PPP1R1C: variants seen among roughly 807,000 people sequenced by gnomAD.
PPP1R1C encodes the protein protein phosphatase 1 regulatory inhibitor subunit 1C, also known as protein phosphatase 1 regulatory subunit 1C.
Under a neutral mutation model 17.4 loss-of-function variants are expected in PPP1R1C, and 15 were observed. The ratio of observed to expected loss-of-function variants is 0.86; its 90% CI spans 0.58 to 1.33. The LOEUF is 1.33. PPP1R1C is among the 40% of genes most tolerant of loss of function. The probability of loss-of-function intolerance (pLI) is 0.00; values close to 1 mark genes in which losing one functional copy is unlikely to be tolerated. For synonymous variants in PPP1R1C, 35 were observed against 43.1 expected (o/e 0.81, Z 0.73); for missense variants, 143 against 130.0 (o/e 1.10, Z -0.48).
Position 182,076,201 on chromosome 2 carries a change from T to C in PPP1R1C, c.241+12410T>C, listed in dbSNP as rs1046989666. On this transcript the variant is annotated intron_variant, in intron 4 of 4. Transcript: ENST00000682840. ...TTGAACTTTTTTTTTTCTTTTCTTT[T>C]TTTTTTTTTTTTTTTTTTTTTTTTT... 3.2e-4 allele frequency among the ~76,000 whole-genome samples: 11 copies of C among 34,612 alleles called. No individual in the cohort carries two copies. In the South Asian group the frequency reaches 4.1e-3, roughly 13 times the overall value. 22.7% of individuals were successfully genotyped at this position (34,612 alleles called of 152,430 possible). A position where few individuals can be genotyped will look rare whatever the true frequency, so the allele number is the denominator to read the frequency against.
At chr2:181,955,856 C>T (rs1003159398) in intron 1 of PPP1R1C, among the ~76,000 whole-genome samples, 1 of 152,122 alleles carries the variant, frequency 6.6e-6, no homozygotes, top group Non-Finnish European at 1.5e-5. Flanking sequence ...TTTGTCTATG[C>T]ATGTTTTAAT....
At chr2:182,073,489 C>G (rs889031693) in intron 4 of PPP1R1C, among the ~76,000 whole-genome samples, 1 of 152,212 alleles carries the variant, frequency 6.6e-6, no homozygotes, top group Non-Finnish European at 1.5e-5. Context: ...TCTTCCAGGT[C>G]ATTTATTAGG....
rs536785842 is a variant in PPP1R1C at position 182,124,366 on chromosome 2, T to G, written c.*7-4608T>G. 2.2e-5 allele frequency among the ~76,000 whole-genome samples: 3 copies of G among 135,962 alleles called. No homozygotes were observed. In the South Asian group the frequency reaches 7.1e-4, roughly 32 times the overall value. The allele number at this position is 135,962 out of a possible 152,430, so 89.2% of individuals were successfully genotyped here. A position where few individuals can be genotyped will look rare whatever the true frequency, so the allele number is the denominator to read the frequency against. On this transcript the variant is annotated intron_variant, in intron 5 of 5. Coordinates refer to the PPP1R1C transcript ENST00000280295. Reference sequence around the variant, plus strand: ...TTTTTTTTTTTTGCTTAGGATTGTCTTGGCTATACAGGCTCTTTTTTTGGT... The same window carrying G: ...TTTTTTTTTTTTGCTTAGGATTGTCGTGGCTATACAGGCTCTTTTTTTGGT...
chr2:181,981,750 A>G (rs1185783385), upstream of PPP1R1C, among the ~76,000 whole-genome samples: 5 of 152,240 alleles, frequency 3.3e-5, no homozygotes, highest in African/African-American at 1.2e-4. Flanking sequence ...GAGGAAATGA[A>G]TGAAGTTACA....
intron 2 of PPP1R1C, among the ~76,000 whole-genome samples, chr2:182,021,577 C>T (rs528623537): frequency 1.3e-4 from 20 of 152,110 alleles, no homozygotes; most frequent in Non-Finnish European, 2.2e-4. Context: ...CCTCCCACCT[C>T]GGCCTCCCAA....
chr2:182,069,852 G>A (rs1360530927), intron 4 of PPP1R1C, among the ~76,000 whole-genome samples: 1 of 152,160 alleles, frequency 6.6e-6, no homozygotes, highest in Non-Finnish European at 1.5e-5. Flanking sequence ...GCTGAATCAA[G>A]AATCAGTTTC....
At chr2:182,079,731 A>C (rs1450952377) in intron 4 of PPP1R1C, among the ~76,000 whole-genome samples, 1 of 152,220 alleles carries the variant, frequency 6.6e-6, no homozygotes, top group African/African-American at 2.4e-5. Context: ...CCAAGGTATC[A>C]GTAGGGCCAT....
At chr2:182,041,569 A>G (rs533095705) in intron 2 of PPP1R1C, among the ~76,000 whole-genome samples, 17 of 146,996 alleles carry the variant, frequency 1.2e-4, no homozygotes, top group Admixed American at 8.6e-4. Context: ...AGGTCATGCC[A>G]TTGACTCCAG....
intron 2 of PPP1R1C, among the ~76,000 whole-genome samples, chr2:181,980,153 A>G (rs761199369): frequency 2.2e-4 from 33 of 152,352 alleles, no homozygotes; most frequent in African/African-American, 7.5e-4. Context: ...GAGATACTCA[A>G]TAAATATTTG....
chr2:182,007,575 T>C (rs1685958411), intron 2 of PPP1R1C, among the ~76,000 whole-genome samples: 1 of 152,190 alleles, frequency 6.6e-6, no homozygotes, highest in Non-Finnish European at 1.5e-5. Flanking sequence ...AACTAGATAG[T>C]AGTGGATTTT....
intron 2 of PPP1R1C, among the ~76,000 whole-genome samples, chr2:181,980,089 A>C (rs1221074924): frequency 6.6e-6 from 1 of 152,100 alleles, no homozygotes; most frequent in Non-Finnish European, 1.5e-5. Context: ...TATGTTCTTT[A>C]GAGGTTGGGA....
chr2:182,096,529 C>A (rs541917981), intron 4 of PPP1R1C, among the ~76,000 whole-genome samples: 21 of 150,780 alleles, frequency 1.4e-4, no homozygotes, highest in African/African-American at 5.1e-4. Flanking sequence ...GTGGCTCCGA[C>A]TCCCGTGACC....
chr2:181,963,562 T>G (rs1684848196), intron 1 of PPP1R1C, among the ~76,000 whole-genome samples: 1 of 152,134 alleles, frequency 6.6e-6, no homozygotes, highest in East Asian at 1.9e-4. Context: ...TTGCTTCAAC[T>G]GGGACCCGGG....
At chr2:181,999,291 T>A (rs1685695667) in intron 2 of PPP1R1C, among the ~76,000 whole-genome samples, 1 of 152,206 alleles carries the variant, frequency 6.6e-6, no homozygotes. Flanking sequence ...CAGAAATGTA[T>A]CTTACTTTTG....
At chr2:181,969,233 CT>C (rs1184342296) in intron 1 of PPP1R1C, among the ~76,000 whole-genome samples, 1 of 152,044 alleles carries the variant, frequency 6.6e-6, no homozygotes, top group Non-Finnish European at 1.5e-5. Flanking sequence ...CTATTAATGT[CT>C]TTTAATTTTG....
intron 2 of PPP1R1C, among the ~76,000 whole-genome samples, chr2:182,012,721 T>C (rs1337070780): frequency 1.3e-5 from 2 of 152,114 alleles, no homozygotes; most frequent in South Asian, 2.1e-4. Flanking sequence ...GATTTTTCTC[T>C]GGTAGTATGC....
intron 5 of PPP1R1C, among the ~76,000 whole-genome samples, chr2:182,126,899 C>T (rs1689888503): frequency 6.6e-6 from 1 of 151,938 alleles, no homozygotes; most frequent in African/African-American, 2.4e-5. Flanking sequence ...GGGAAAAATT[C>T]TTGATGAAGT....
chr2:181,986,092 A>G lies in PPP1R1C; in HGVS notation c.-19A>G. On this transcript the variant is annotated 5_prime_UTR_variant, in exon 1 of 5. Transcript: ENST00000682840. ...TCTTTCTGAGCTCTTCACATCTCTG[A>G]CTAATTATCATCATTACCATGGAGC... The G allele has an allele frequency of 6.2e-7, 1 of 1,604,186 alleles. No individual in the cohort carries two copies. The highest frequency in any genetic ancestry group is 8.5e-7 in the Non-Finnish European group (1 of 1,170,930).
chr2:182,040,521 A>T (rs1451384191), intron 2 of PPP1R1C, among the ~76,000 whole-genome samples: 2 of 151,218 alleles, frequency 1.3e-5, no homozygotes, highest in Non-Finnish European at 2.9e-5. Flanking sequence ...TTTCTTGCAG[A>T]TTTGTTTGAG....
Sources: gnomAD v4.1 joint callset for allele counts (sites outside exome capture counted in the v4.1 genomes callset) on GRCh38, gnomAD v4.1.1 for gene constraint, MANE v1.5 for transcripts, NCBI Gene and HGNC (gene_info 2026-07-23, HGNC 2026-07-21) for gene names.